CHCHD3: variants seen among roughly 807,000 people sequenced by gnomAD.
The protein encoded by CHCHD3 is MICOS complex subunit MIC19.
Under a neutral mutation model 38.2 loss-of-function variants are expected in CHCHD3, and 20 were observed. That is an observed-to-expected ratio of 0.52 (90% CI 0.37 to 0.76). The LOEUF is 0.76. CHCHD3 is among the 30% of genes least tolerant of loss of function. The pLI is 0.00. For synonymous variants in CHCHD3, 82 were observed against 100.0 expected, an observed-to-expected ratio of 0.82 and a Z score of 1.07; for missense variants, 245 against 279.2, an observed-to-expected ratio of 0.88 and a Z score of 0.87.
Position 133,081,828 on chromosome 7 carries a change from T to C in CHCHD3, c.81+29A>G, listed in dbSNP as rs779596592. The stretch of plus-strand genomic sequence containing the variant: ...GGCCTTGGGGTCCGAGTCCAACCAC[T>C]GGCCCTCCGCCCGTCCACGGGCACT... On this transcript the variant is annotated intron_variant, in intron 1 of 7. Coordinates refer to ENST00000262570, the MANE Select transcript of CHCHD3 (RefSeq NM_017812.4). 21 of 1,550,100 alleles carry C rather than the reference T, an allele frequency of 1.4e-5. No homozygotes were observed. The East Asian group carries it at 3.2e-4, about 23-fold the overall frequency.
intron 4 of CHCHD3, among the ~76,000 whole-genome samples, chr7:132,901,957 T>A (rs905951094): frequency 1.4e-4 from 21 of 152,158 alleles, no homozygotes; most frequent in African/African-American, 4.6e-4. Context: ...GTTTTTATGG[T>A]TTTAGGTCTA....
intron 6 of CHCHD3, among the ~76,000 whole-genome samples, chr7:132,818,045 G>A (rs1051642062): frequency 2.0e-5 from 3 of 152,218 alleles, no homozygotes; most frequent in African/African-American, 7.2e-5. Flanking sequence ...CCAAACTATG[G>A]AAAGTAGCAA....
chr7:133,004,324 A>G (rs1812645940), intron 3 of CHCHD3, among the ~76,000 whole-genome samples: 1 of 152,238 alleles, frequency 6.6e-6, no homozygotes, highest in African/African-American at 2.4e-5. Flanking sequence ...AAACAAAACC[A>G]GATCCATCAG....
chr7:132,796,027 G>GC (rs1806601790), intron 7 of CHCHD3, among the ~76,000 whole-genome samples: 1 of 148,692 alleles, frequency 6.7e-6, no homozygotes. Context: ...GTGGTGTTTT[G>GC]TTTTTTTTTT....
At chr7:132,858,502 C>CGT (rs143178153) in intron 5 of CHCHD3, among the ~76,000 whole-genome samples, 24 of 152,210 alleles carry the variant, frequency 1.6e-4, no homozygotes, top group African/African-American at 5.8e-4. Context: ...AAGCAGATGG[C>CGT]GTGTGCCAGC....
At chr7:132,869,715 C>T (rs771052731) in intron 5 of CHCHD3, among the ~76,000 whole-genome samples, 1 of 151,932 alleles carries the variant, frequency 6.6e-6, no homozygotes, top group Non-Finnish European at 1.5e-5. Flanking sequence ...TCCCGAGTAG[C>T]TGGGACCACA....
chr7:132,854,920 G>A (rs1008524529), intron 5 of CHCHD3, among the ~76,000 whole-genome samples: 1 of 152,200 alleles, frequency 6.6e-6, no homozygotes. Context: ...GCATAGGAGA[G>A]CTGGTTGAGT....
intron 3 of CHCHD3, among the ~76,000 whole-genome samples, chr7:133,023,601 A>G (rs990354045): frequency 1.3e-5 from 2 of 152,232 alleles, no homozygotes; most frequent in Non-Finnish European, 2.9e-5. Context: ...TCATGTAATC[A>G]TAATTCTCTA....
chr7:133,027,379 GAGAGAGAA>G (rs1185326936), intron 2 of CHCHD3, among the ~76,000 whole-genome samples: 2 of 131,018 alleles, frequency 1.5e-5, no homozygotes, highest in African/African-American at 5.7e-5. Context: ...GAGAGAGAGA[GAGAGAGAA>G]AGAGAGAGAG....
At chr7:133,024,002 A>C (rs971918277) in intron 3 of CHCHD3, among the ~76,000 whole-genome samples, 24 of 152,130 alleles carry the variant, frequency 1.6e-4, no homozygotes, top group African/African-American at 5.3e-4. Flanking sequence ...CAGAGGAAAA[A>C]ATCTCGAGCA....
Position 133,035,792 on chromosome 7 carries a change from G to A in CHCHD3, c.170-11165C>T. On this transcript the variant is annotated intron_variant, in intron 2 of 7. Coordinates refer to ENST00000262570, the MANE Select transcript of CHCHD3 (RefSeq NM_017812.4). The surrounding 1 kb of genome is among the most constrained non-coding windows in gnomAD (Gnocchi z 4.7). The stretch of plus-strand genomic sequence containing the variant: ...TGCGAAGAAATTCAGAGGTGCGGTT[G>A]GTTTGGCCAAAATGGAAGTGGGGTG... 1 of 1,613,162 alleles carries A rather than the reference G, an allele frequency of 6.2e-7. No individual in the cohort carries two copies. Among genetic ancestry groups the A allele is most frequent in the South Asian group, 1.1e-5 (1 of 91,054 alleles).
chr7:132,867,675 C>T (rs1259857059), intron 5 of CHCHD3, among the ~76,000 whole-genome samples: 1 of 152,032 alleles, frequency 6.6e-6, no homozygotes, highest in East Asian at 1.9e-4. Flanking sequence ...GTATCATGCA[C>T]ATACAGAATT....
intron 3 of CHCHD3, among the ~76,000 whole-genome samples, chr7:133,021,689 C>A (rs778107971): frequency 2.0e-5 from 3 of 152,180 alleles, no homozygotes; most frequent in Admixed American, 6.5e-5. Context: ...CACCACTCAC[C>A]ACATATGTAG....
intron 6 of CHCHD3, among the ~76,000 whole-genome samples, chr7:132,810,941 C>T (rs1328182354): frequency 6.6e-6 from 1 of 152,142 alleles, no homozygotes; most frequent in African/African-American, 2.4e-5. Context: ...AATGTTATGG[C>T]ACTTCTTTGG....
intron 2 of CHCHD3, among the ~76,000 whole-genome samples, chr7:133,046,386 AAC>A (rs1354699105): frequency 6.6e-6 from 1 of 152,254 alleles, no homozygotes; most frequent in Non-Finnish European, 1.5e-5. Context: ...ACATTTTCAT[AAC>A]ACATTACAAT....
At chr7:132,838,312 C>A in intron 6 of CHCHD3, 87 bp downstream of exon 6, 1 of 906,050 alleles carries the variant, frequency 1.1e-6, no homozygotes. Context: ...TGCTATATAA[C>A]AAACTATGAT....
rs753167569 is a variant in CHCHD3, at chr7:132,975,236, T to G, written c.302A>C (p.Gln101Pro). Residue 101 changes from glutamine (Q) to proline (P), a missense_variant, in exon 4 of 8, where the codon CAG becomes CCG. By Grantham distance (76) the Gln-to-Pro change is moderately conservative. Transcript: ENST00000262570. ...LDRERAAANE[Q>P]LTRAILRERI... is the part of the protein sequence containing the mutation. ...CTCCCGAAGGATGGCTCTGGTTAAC[T>G]GCTCATTGGCAGCAGCCCTCTCTCG... 6.2e-7 allele frequency: 1 copy of G among 1,613,000 alleles called. No homozygotes were observed. The highest frequency in any genetic ancestry group is 8.5e-7 in the Non-Finnish European group (1 of 1,180,018).
chr7:133,074,829 C>T (rs1814929801), intron 1 of CHCHD3, among the ~76,000 whole-genome samples: 1 of 151,944 alleles, frequency 6.6e-6, no homozygotes, highest in African/African-American at 2.4e-5. Flanking sequence ...TAATGTTTAC[C>T]CCAGAGATTC....
chr7:132,956,942 G>A (rs1157787824), intron 4 of CHCHD3, among the ~76,000 whole-genome samples: 1 of 152,200 alleles, frequency 6.6e-6, no homozygotes, highest in Non-Finnish European at 1.5e-5. Context: ...CTTCTGAAGA[G>A]CGATCTACCC....
Sources: allele counts gnomAD v4.1 joint callset (sites outside exome capture counted in the v4.1 genomes callset), GRCh38; gene constraint gnomAD v4.1.1; non-coding constraint Gnocchi (gnomAD v3.1); transcripts MANE v1.5; gene names NCBI Gene and HGNC (gene_info 2026-07-23, HGNC 2026-07-21).